ZNF44: variants seen among roughly 807,000 people sequenced by gnomAD.
The protein encoded by ZNF44 is gonadotropin inducible transcription repressor-2.
ZNF44 carries 9 observed loss-of-function variants against 11.7 expected under a neutral mutation model. That is an observed-to-expected ratio of 0.77 (90% CI 0.46 to 1.35). The LOEUF is 1.35. Ranked by LOEUF, ZNF44 falls within the 40% of genes most tolerant of loss-of-function variation. The pLI is 0.00. For missense variants in ZNF44, 696 were observed against 743.1 expected, an observed-to-expected ratio of 0.94 and a Z score of 0.74; for synonymous variants, 224 against 242.7, an observed-to-expected ratio of 0.92 and a Z score of 0.72.
intron 1 of ZNF44, among the ~76,000 whole-genome samples, chr19:12,286,844 G>A (rs1043431806): frequency 1.3e-5 from 2 of 151,372 alleles, no homozygotes; most frequent in African/African-American, 4.9e-5. Context: ...CCAGCTACTC[G>A]GGAGGCTGAG....
At chr19:12,254,228 T>C (rs534920540) in intron 5 of ZNF44, among the ~76,000 whole-genome samples, 2 of 151,402 alleles carry the variant, frequency 1.3e-5, no homozygotes, top group Admixed American at 1.3e-4. Context: ...TAAAATATGC[T>C]TGCAGACTAC....
At chr19:12,269,994 C>CA (rs1177581821), downstream of ZNF44, among the ~76,000 whole-genome samples, 1 of 152,156 alleles carries the variant, frequency 6.6e-6, no homozygotes, top group Non-Finnish European at 1.5e-5. Flanking sequence ...AGGATATGCT[C>CA]ACTCCATAAG....
At chr19:12,253,485 C>T (rs8106546) in intron 5 of ZNF44, among the ~76,000 whole-genome samples, 26,439 of 151,850 alleles carry the variant, frequency 0.17, 2,687 homozygotes, top group African/African-American at 0.27. Context: ...CCACTGTACC[C>T]GCCCAAGGAG....
chr19:12,233,494 G>C (rs1916243638), intron 2 of ZNF44, among the ~76,000 whole-genome samples: 1 of 139,936 alleles, frequency 7.1e-6, no homozygotes, highest in South Asian at 2.3e-4. Flanking sequence ...ACATACTTGA[G>C]AAGGTTCAGT....
At chr19:12,248,909 T>A (rs1916869670) in intron 7 of ZNF44, among the ~76,000 whole-genome samples, 1 of 141,880 alleles carries the variant, frequency 7.0e-6, no homozygotes, top group Non-Finnish European at 1.6e-5. Flanking sequence ...TTTTTTTTTT[T>A]TTGAGACGGA....
chr19:12,273,631 C>G lies in ZNF44; in HGVS notation c.624G>C (p.Trp208Cys). The G allele has an allele frequency of 6.2e-7, 1 of 1,613,724 alleles. No individual in the cohort carries two copies. Among genetic ancestry groups the G allele is most frequent in the South Asian group, 1.1e-5 (1 of 91,044 alleles). ...TTTCATGCATACGTAATAAACTGGG[C>G]CAAAAAAAGGCTTTCCCACACAATT... ...KCELCGKAFF[W>C]PSLLRMHERT... The change falls in exon 4 of 4, where the codon TGG (tryptophan) becomes TGC (cysteine). Residue 208 changes from tryptophan to cysteine, a missense_variant. By Grantham distance (215) the Trp-to-Cys change is radical. Transcript: ENST00000355684.
intron 1 of ZNF44, among the ~76,000 whole-genome samples, chr19:12,292,130 A>C (rs1968032950): frequency 6.6e-6 from 1 of 152,046 alleles, no homozygotes. Flanking sequence ...GGACTTCAAG[A>C]CCAGCCTGGC....
chr19:12,265,955 G>A (rs1183638636), intron 5 of ZNF44, among the ~76,000 whole-genome samples: 1 of 152,226 alleles, frequency 6.6e-6, no homozygotes, highest in Non-Finnish European at 1.5e-5. Flanking sequence ...TTGCACCCAA[G>A]GCGGGAATTC....
chr19:12,260,655 C>T, intron 5 of ZNF44: 1 of 598,504 alleles, frequency 1.7e-6, no homozygotes, highest in Non-Finnish European at 3.0e-6. Flanking sequence ...TAGGTCCTTG[C>T]CCAGGATGTA....
intron 1 of ZNF44, among the ~76,000 whole-genome samples, chr19:12,277,364 G>C (rs1967271804): frequency 6.6e-6 from 1 of 152,172 alleles, no homozygotes; most frequent in Non-Finnish European, 1.5e-5. Context: ...AGAAAGAAAA[G>C]AAGAGGACAG....
chr19:12,284,466 A>G (rs1967636027), intron 1 of ZNF44: 4 of 647,078 alleles, frequency 6.2e-6, no homozygotes, highest in Non-Finnish European at 1.1e-5. Flanking sequence ...TCTGAGAGGC[A>G]AGGCCGAGGA....
intron 1 of ZNF44, chr19:12,293,197 A>G: frequency 2.0e-6 from 3 of 1,528,324 alleles, no homozygotes; most frequent in Non-Finnish European, 2.6e-6. Flanking sequence ...CAGGAATGAT[A>G]TACCAGAAGA....
chr19:12,249,416 G>A (rs1391466264), intron 7 of ZNF44, among the ~76,000 whole-genome samples: 3 of 147,568 alleles, frequency 2.0e-5, no homozygotes, highest in Non-Finnish European at 4.5e-5. Flanking sequence ...TGAGGCAGGA[G>A]AATGGTGTGA....
downstream of ZNF44, chr19:12,244,635 T>G (rs1383349794): frequency 1.3e-5 from 2 of 152,642 alleles, no homozygotes; most frequent in Non-Finnish European, 2.9e-5. Flanking sequence ...GTGACCATAA[T>G]GGATCAAAAT....
At chr19:12,293,035 A>T (rs973656168) in intron 1 of ZNF44, among the ~76,000 whole-genome samples, 4 of 151,794 alleles carry the variant, frequency 2.6e-5, no homozygotes, top group African/African-American at 9.7e-5. Flanking sequence ...ATGCCCGGCT[A>T]ATTTTTGTAT....
intron 1 of ZNF44, 157 bp from the exon 2 acceptor site, chr19:12,276,239 G>A: frequency 2.6e-6 from 3 of 1,174,390 alleles, no homozygotes; most frequent in Admixed American, 4.0e-5. Flanking sequence ...CTCACTGTCT[G>A]ATGCTGGAAT....
chr19:12,266,967 G>A (rs1180977247), downstream of ZNF44, among the ~76,000 whole-genome samples: 1 of 152,066 alleles, frequency 6.6e-6, no homozygotes, highest in Non-Finnish European at 1.5e-5. Flanking sequence ...TCAGGAATTT[G>A]GAAAGAAAGG....
chr19:12,230,015 C>G (rs1452886906), intron 3 of ZNF44, among the ~76,000 whole-genome samples: 1 of 152,174 alleles, frequency 6.6e-6, no homozygotes, highest in African/African-American at 2.4e-5. Flanking sequence ...TAGAGAACCT[C>G]TTGCCATTTG....
At chr19:12,228,244 C>T (rs1263366083) in intron 3 of ZNF44, among the ~76,000 whole-genome samples, 1 of 152,136 alleles carries the variant, frequency 6.6e-6, no homozygotes, top group South Asian at 2.1e-4. Context: ...ATTCTCATGC[C>T]TCCTTATAAT....
Sources: allele counts gnomAD v4.1 joint callset (sites outside exome capture counted in the v4.1 genomes callset), GRCh38; gene constraint gnomAD v4.1.1; transcripts MANE v1.5; gene names NCBI Gene and HGNC (gene_info 2026-07-23, HGNC 2026-07-21).